The following UNC13C variants were observed in gnomAD, a reference collection of about 807,000 sequenced individuals.
The protein encoded by UNC13C is protein unc-13 homolog C.
A neutral mutation model predicts 245.4 loss-of-function variants in UNC13C; 174 were observed. That is an observed-to-expected ratio of 0.71 (90% CI 0.63 to 0.80). The LOEUF (loss-of-function observed/expected upper bound fraction) is 0.80. Ranked by LOEUF, UNC13C falls within the 30% of genes least tolerant of loss-of-function variation. The pLI, the probability that UNC13C is intolerant of heterozygous loss-of-function variation, is 0.00. For missense variants in UNC13C, 2,829 were observed against 2,602.9 expected (o/e 1.09, Z -1.89); for synonymous variants, 992 against 895.1 (o/e 1.11, Z -1.93).
At chr15:54,027,527 G>A (rs940002501) in intron 2 of UNC13C, among the ~76,000 whole-genome samples, 3 of 152,112 alleles carry the variant, frequency 2.0e-5, no homozygotes, top group East Asian at 1.9e-4. Flanking sequence ...GTGCCACCAC[G>A]CCTGGCTAAT....
chr15:54,453,994 A>G (rs1227047303), intron 19 of UNC13C, among the ~76,000 whole-genome samples: 1 of 152,116 alleles, frequency 6.6e-6, no homozygotes, highest in East Asian at 1.9e-4. Flanking sequence ...TATTCCAGAC[A>G]TTTCATATAA....
intron 2 of UNC13C, among the ~76,000 whole-genome samples, chr15:54,104,191 A>G (rs373062196): frequency 1.4e-4 from 22 of 152,058 alleles, no homozygotes; most frequent in Non-Finnish European, 2.9e-4. Context: ...TTCTGTTAGC[A>G]CTCATTCTAG....
intron 2 of UNC13C, among the ~76,000 whole-genome samples, chr15:54,080,185 G>C (rs1052476691): frequency 6.6e-6 from 1 of 151,880 alleles, no homozygotes; most frequent in African/African-American, 2.4e-5. Context: ...TGATTGTGAT[G>C]AACTGACTTT....
intron 4 of UNC13C, among the ~76,000 whole-genome samples, chr15:54,165,146 T>C (rs1765857082): frequency 6.6e-6 from 1 of 152,164 alleles, no homozygotes; most frequent in African/African-American, 2.4e-5. Context: ...AGTGAACCAC[T>C]GTTTACAATT....
At chr15:54,233,159 G>T (rs1056659644) in intron 4 of UNC13C, among the ~76,000 whole-genome samples, 2 of 152,098 alleles carry the variant, frequency 1.3e-5, no homozygotes, top group Non-Finnish European at 2.9e-5. Context: ...ACTGTGACTA[G>T]CACAGCCCTT....
chr15:54,288,583 G>T (rs1392356341), intron 10 of UNC13C, among the ~76,000 whole-genome samples: 1 of 151,840 alleles, frequency 6.6e-6, no homozygotes, highest in Admixed American at 6.6e-5. Context: ...AGACACATTG[G>T]CTAAAGTCCA....
intron 13 of UNC13C, among the ~76,000 whole-genome samples, chr15:54,311,830 G>T (rs1173597467): frequency 2.0e-5 from 3 of 151,566 alleles, no homozygotes; most frequent in East Asian, 1.9e-4. Flanking sequence ...AACATTATAG[G>T]TTATACAATT....
At chr15:54,236,997 G>A (rs977305950) in intron 6 of UNC13C, among the ~76,000 whole-genome samples, 2 of 152,024 alleles carry the variant, frequency 1.3e-5, no homozygotes, top group African/African-American at 4.8e-5. Context: ...AGATAGTGGT[G>A]GTTATGGTTC....
chr15:54,014,320 C>G lies in UNC13C; in HGVS notation c.1417C>G (p.Leu473Val). ...TTACGCTGTGCTTTCCAAGTCAGAG[C>G]TTCTAACAAAGGGAAGTACTTCCAA... is the stretch of plus-strand genomic sequence containing the variant. Reference protein sequence around the residue: ...NSYAVLSKSELLTKGSTSKPS... With the variant: ...NSYAVLSKSEVLTKGSTSKPS... Residue 473 changes from leucine (L) to valine (V), a missense_variant, in exon 2 of 33, where the codon CTT becomes GTT. Transcript: ENST00000260323. 1.9e-6 allele frequency: 3 copies of G among 1,613,894 alleles called. No individual in the cohort carries two copies. Among genetic ancestry groups the G allele is most frequent in the Non-Finnish European group, 2.5e-6 (3 of 1,179,832 alleles).
intron 2 of UNC13C, among the ~76,000 whole-genome samples, chr15:54,038,118 A>ATTGTTTTTT (rs1297641805): frequency 3.5e-5 from 1 of 28,800 alleles, no homozygotes; most frequent in Non-Finnish European, 6.3e-5. Flanking sequence ...ATATATATAT[A>ATTGTTTTTT]TATATATTTT....
intron 2 of UNC13C, among the ~76,000 whole-genome samples, chr15:54,038,393 A>C (rs933281542): frequency 6.6e-6 from 1 of 151,776 alleles, no homozygotes; most frequent in African/African-American, 2.4e-5. Flanking sequence ...TCTGCCTTTC[A>C]AAGTGCTGGG....
At chr15:54,052,897 TAGAAA>T (rs1897332807) in intron 2 of UNC13C, among the ~76,000 whole-genome samples, 1 of 152,214 alleles carries the variant, frequency 6.6e-6, no homozygotes, top group Non-Finnish European at 1.5e-5. Flanking sequence ...TAAAAGGATA[TAGAAA>T]AGTATTAGGT....
intron 17 of UNC13C, among the ~76,000 whole-genome samples, chr15:54,363,131 A>G (rs1209669417): frequency 6.6e-6 from 1 of 152,204 alleles, no homozygotes; most frequent in Non-Finnish European, 1.5e-5. Flanking sequence ...TTTTTGAGAC[A>G]GAGTTTCACT....
intron 31 of UNC13C, among the ~76,000 whole-genome samples, chr15:54,623,485 T>C (rs1402966171): frequency 6.6e-6 from 1 of 152,160 alleles, no homozygotes; most frequent in East Asian, 1.9e-4. Context: ...GATGAGCATA[T>C]CTTCATGTTC....
In UNC13C at chr15:54,572,826, TAA is replaced by T. The variant is rs560501190; in HGVS notation, c.6106+4883_6106+4884del. Among the ~76,000 whole-genome samples the T allele has an allele frequency of 8.7e-4, 133 of 152,336 alleles. No homozygotes were observed. In the Middle Eastern group the frequency reaches 0.024, roughly 27 times the overall value. Reference sequence around the variant, plus strand: ...TTATTTAATCAAAATGTGTGTTGTATAAAAAGTCTTGTGATTCTTTAGAAATC... The same window carrying T: ...TTATTTAATCAAAATGTGTGTTGTATAAAGTCTTGTGATTCTTTAGAAATC... On this transcript the variant is annotated intron_variant, in intron 30 of 32. Transcript: ENST00000260323.
At chr15:54,063,687 A>G (rs903624423) in intron 2 of UNC13C, among the ~76,000 whole-genome samples, 6 of 152,180 alleles carry the variant, frequency 3.9e-5, no homozygotes, top group African/African-American at 1.4e-4. Context: ...TGCTACAAGA[A>G]TCACTTGACC....
At chr15:54,269,453 A>G (rs568608832) in intron 10 of UNC13C, among the ~76,000 whole-genome samples, 3 of 152,282 alleles carry the variant, frequency 2.0e-5, no homozygotes, top group South Asian at 4.1e-4. Flanking sequence ...TAAAATTTCT[A>G]GAAATATTGA....
At chr15:53,901,446 G>A in the UNC13C span, among the ~76,000 whole-genome samples, 8 of 151,206 alleles carry the variant, frequency 5.3e-5, no homozygotes, top group African/African-American at 7.3e-5. Context: ...GGATGGTCTC[G>A]ATCTCCCGAC....
At chr15:54,482,544 T>C (rs1284795653) in intron 19 of UNC13C, among the ~76,000 whole-genome samples, 1 of 149,210 alleles carries the variant, frequency 6.7e-6, no homozygotes, top group African/African-American at 2.5e-5. Context: ...TCTGAGCTGA[T>C]CCTGAGGGGC....
Sources: allele counts gnomAD v4.1 joint callset (sites outside exome capture counted in the v4.1 genomes callset), GRCh38; gene constraint gnomAD v4.1.1; transcripts MANE v1.5; gene names NCBI Gene and HGNC (gene_info 2026-07-23, HGNC 2026-07-21).